Variants in CDH3 observed in about 807,000 individuals in gnomAD.
The protein encoded by CDH3 is cadherin-3.
In CDH3, 54 loss-of-function variants were observed where a neutral mutation model predicts 82.0. That is an observed-to-expected ratio of 0.66 (90% CI 0.53 to 0.83). CDH3 has a LOEUF of 0.83. Among genes scored for constraint, CDH3 ranks in the 40% least tolerant of loss-of-function variants. The pLI, the probability that CDH3 is intolerant of heterozygous loss-of-function variation, is 0.00. For missense variants in CDH3, 1,054 were observed against 1,084.6 expected (o/e 0.97, Z 0.40); for synonymous variants, 446 against 437.9 (o/e 1.02, Z -0.23).
At chr16:68,650,761 G>A (rs1960218669) in intron 2 of CDH3, among the ~76,000 whole-genome samples, 1 of 152,034 alleles carries the variant, frequency 6.6e-6, no homozygotes, top group African/African-American at 2.4e-5. Flanking sequence ...TCCATAGCCT[G>A]GACGTGCCAG....
chr16:68,684,683 T>C lies in CDH3; in HGVS notation c.1283T>C (p.Val428Ala). 1 of 1,614,202 alleles carries C rather than the reference T, an allele frequency of 6.2e-7. No homozygotes were observed. Among genetic ancestry groups the C allele is most frequent in the Non-Finnish European group, 8.5e-7 (1 of 1,180,048 alleles). ...CTCCCAACCTCCACAGCCACCATAG[T>C]GGTCCACGTGGAGGATGTGAATGAG... ...LKLPTSTATIVVHVEDVNEAP... is the reference protein window; with the variant it reads ...LKLPTSTATIAVHVEDVNEAP... The change falls in exon 10 of 16, where the codon GTG becomes GCG. Residue 428 changes from valine to alanine, a missense_variant. Transcript: ENST00000264012.
intron 7 of CDH3, 42 bp from the exon 8 acceptor site, chr16:68,680,926 A>C (rs1456589616): frequency 6.2e-7 from 1 of 1,612,828 alleles, no homozygotes. Context: ...GGGACCCTTC[A>C]GATTAAACTC....
chr16:68,710,739 G>GAGGCCGGGGCAGGAGTA (rs1402291418), intron 1 of CDH3, among the ~76,000 whole-genome samples: 1 of 151,484 alleles, frequency 6.6e-6, no homozygotes, highest in Non-Finnish European at 1.5e-5. Context: ...AGCTACTCAG[G>GAGGCCGGGGCAGGAGTA]AGGCCGGGGC....
chr16:68,654,060 ATT>A (rs201141030), intron 2 of CDH3, among the ~76,000 whole-genome samples: 29 of 125,944 alleles, frequency 2.3e-4, no homozygotes, highest in African/African-American at 5.3e-4. Context: ...TTTGTTCTTA[ATT>A]TTTTTTTTTT....
chr16:68,649,863 G>A (rs555085147), intron 2 of CDH3, among the ~76,000 whole-genome samples: 1 of 152,078 alleles, frequency 6.6e-6, no homozygotes, highest in Non-Finnish European at 1.5e-5. Context: ...GCGAAATCCC[G>A]TATCTACTAA....
intron 2 of CDH3, among the ~76,000 whole-genome samples, chr16:68,652,489 A>AG (rs971281430): frequency 6.6e-6 from 1 of 152,176 alleles, no homozygotes; most frequent in African/African-American, 2.4e-5. Flanking sequence ...GGATGATGGA[A>AG]GAGGAGGGAG....
chr16:68,698,420 G>A lies in CDH3; in HGVS notation c.*20G>A. The A allele has an allele frequency of 1.2e-6, 2 of 1,610,386 alleles. No homozygotes were observed. Among genetic ancestry groups the A allele is most frequent in the Non-Finnish European group, 8.5e-7 (1 of 1,177,398 alleles). ...GACTAGGCGGCCTGCCTGCAGGGCT[G>A]GGGACCAAACGTCAGGCCACAGAGC... On this transcript the variant is annotated 3_prime_UTR_variant, in exon 16 of 16. Transcript: ENST00000264012.
At chr16:68,676,849 A>T (rs749562786) in intron 3 of CDH3, among the ~76,000 whole-genome samples, 1 of 152,208 alleles carries the variant, frequency 6.6e-6, no homozygotes, top group Non-Finnish European at 1.5e-5. Context: ...CTCCAGGAAG[A>T]TACATCTGGG....
At chr16:68,648,843 C>A (rs538481720) in intron 2 of CDH3, among the ~76,000 whole-genome samples, 4 of 151,268 alleles carry the variant, frequency 2.6e-5, no homozygotes, top group Non-Finnish European at 5.9e-5. Context: ...CAAGCTCTCC[C>A]GGCCCCCCAC....
chr16:68,678,134 G>A lies in CDH3; in HGVS notation c.247G>A (p.Glu83Lys). 1 of 1,613,858 alleles carries A rather than the reference G, an allele frequency of 6.2e-7. No individual in the cohort carries two copies. Among genetic ancestry groups the A allele is most frequent in the Non-Finnish European group, 8.5e-7 (1 of 1,179,776 alleles). Residue 83 changes from glutamate to lysine, a missense_variant and splice_region_variant, in exon 4 of 16, where the codon GAA becomes AAA. Transcript: ENST00000264012. Reference sequence around the variant, plus strand: ...GGTTAAGGAGTTTCTCTCCTTGCAGGAAAGAAGGTCACTGAAGGAAAGGAA... The same window carrying A: ...GGTTAAGGAGTTTCTCTCCTTGCAGAAAAGAAGGTCACTGAAGGAAAGGAA... ...FTVRNGETVQ[E>K]RRSLKERNPL...
Position 68,676,426 on chromosome 16 carries a change from A to G in CDH3, c.202A>G (p.Thr68Ala). ...TGGGCAAGAGCCAGCTCTGTTTAGC[A>G]CTGATAATGATGACTTCACTGTGCG... Reference protein sequence around the residue: ...CPGQEPALFSTDNDDFTVRNG... With the variant: ...CPGQEPALFSADNDDFTVRNG... Residue 68 changes from threonine to alanine, a missense_variant, in exon 3 of 16, where the codon ACT becomes GCT. Thr to Ala is a moderately conservative substitution (Grantham distance 58). Coordinates refer to ENST00000264012, the MANE Select transcript of CDH3 (RefSeq NM_001793.6). The G allele has an allele frequency of 6.2e-7, 1 of 1,614,092 alleles. No individual in the cohort carries two copies. Among genetic ancestry groups the G allele is most frequent in the Non-Finnish European group, 8.5e-7 (1 of 1,179,952 alleles).
At chr16:68,650,033 CAAAG>C (rs1343622644) in intron 2 of CDH3, among the ~76,000 whole-genome samples, 2 of 148,156 alleles carry the variant, frequency 1.3e-5, no homozygotes, top group Admixed American at 1.3e-4. Flanking sequence ...GACTCCGCCT[CAAAG>C]AAAAAAAAAA....
intron 2 of CDH3, among the ~76,000 whole-genome samples, chr16:68,663,302 G>T (rs1320788739): frequency 2.0e-5 from 3 of 147,798 alleles, no homozygotes; most frequent in Non-Finnish European, 4.5e-5. Context: ...TCAGCTCACT[G>T]CAACCTCCGT....
intron 2 of CDH3, among the ~76,000 whole-genome samples, chr16:68,669,979 C>T (rs1470848667): frequency 6.6e-6 from 1 of 151,970 alleles, no homozygotes; most frequent in East Asian, 1.9e-4. Context: ...GACCTTTAGT[C>T]ACTCACTTTG....
At chr16:68,718,308 T>G (rs753564047) in intron 1 of CDH3, among the ~76,000 whole-genome samples, 1 of 152,084 alleles carries the variant, frequency 6.6e-6, no homozygotes, top group Non-Finnish European at 1.5e-5. Flanking sequence ...TGGCTAAACT[T>G]TTTTTGTGTG....
At chr16:68,645,831 C>T in intron 2 of CDH3, 81 bp downstream of exon 2, 1 of 1,090,572 alleles carries the variant, frequency 9.2e-7, no homozygotes, top group Non-Finnish European at 1.3e-6. Flanking sequence ...GTGTTCGGGC[C>T]GGGGCAAGGG....
rs138013319 is a variant in CDH3, at chr16:68,684,198, C to G, written c.1183-385C>G. ...AGTGAGCCATAATGAAGCCACTGCACTTGAGCCTGGGTGACAGAGCAAGAT... is the reference window on the plus strand; with the variant it reads ...AGTGAGCCATAATGAAGCCACTGCAGTTGAGCCTGGGTGACAGAGCAAGAT... On this transcript the variant is annotated intron_variant, in intron 9 of 15. Transcript: ENST00000264012. Among the ~76,000 whole-genome samples, 813 of 152,252 alleles carry G rather than the reference C, an allele frequency of 5.3e-3. 10 individuals are homozygous for G. The Middle Eastern group carries it at 0.085, about 16-fold the overall frequency.
At chr16:68,679,042 TC>T in intron 6 of CDH3, 136 bp downstream of exon 6, 1 of 870,504 alleles carries the variant, frequency 1.1e-6, no homozygotes, top group Non-Finnish European at 1.8e-6. Context: ...TTTCCCCCCT[TC>T]CATCCCAAGG....
At chr16:68,703,002 C>T (rs997622555), downstream of CDH3, among the ~76,000 whole-genome samples, 1 of 152,186 alleles carries the variant, frequency 6.6e-6, no homozygotes, top group Non-Finnish European at 1.5e-5. Context: ...CAATCCCTCC[C>T]TGACATTTTA....
Sources: allele counts gnomAD v4.1 joint callset (sites outside exome capture counted in the v4.1 genomes callset), GRCh38; gene constraint gnomAD v4.1.1; transcripts MANE v1.5; gene names NCBI Gene and HGNC (gene_info 2026-07-23, HGNC 2026-07-21).